FOCAD: variants seen among roughly 807,000 people sequenced by gnomAD.
The protein encoded by FOCAD is KIAA1797.
FOCAD carries 198 observed loss-of-function variants against 225.6 expected under a neutral mutation model. That is an observed-to-expected ratio of 0.88 (90% CI 0.78 to 0.99). FOCAD has a LOEUF of 0.99. FOCAD is among the 50% of genes least tolerant of loss of function. FOCAD has a pLI of 0.00. For synonymous variants in FOCAD, 897 were observed against 755.0 expected (o/e 1.19, Z -3.08); for missense variants, 2,713 against 2,123.6 (o/e 1.28, Z -5.46).
intron 10 of FOCAD, among the ~76,000 whole-genome samples, chr9:20,788,444 G>T (rs147002792): frequency 2.3e-4 from 35 of 152,156 alleles, no homozygotes; most frequent in Admixed American, 2.3e-3. Flanking sequence ...CTTTAAAAGG[G>T]TGCCTTTTAT....
chr9:20,817,351 T>C (rs566553171), intron 11 of FOCAD, among the ~76,000 whole-genome samples: 176 of 152,216 alleles, frequency 1.2e-3, no homozygotes, highest in African/African-American at 4.0e-3. Flanking sequence ...CCATAAGACG[T>C]CACTGCCTGT....
intron 6 of FOCAD, among the ~76,000 whole-genome samples, chr9:20,759,423 C>T (rs1027912010): frequency 1.3e-5 from 2 of 152,180 alleles, no homozygotes; most frequent in African/African-American, 4.8e-5. Flanking sequence ...CTACAACTAT[C>T]TGATCTTTGA....
intron 1 of FOCAD, among the ~76,000 whole-genome samples, chr9:20,693,143 C>G (rs1268840959): frequency 6.6e-6 from 1 of 152,166 alleles, no homozygotes; most frequent in Admixed American, 6.5e-5. Context: ...CCATTTGTTG[C>G]CTCTCCAACT....
chr9:20,760,686 A>G (rs1587056617), intron 6 of FOCAD, among the ~76,000 whole-genome samples: 4 of 152,148 alleles, frequency 2.6e-5, no homozygotes, highest in Admixed American at 2.0e-4. Context: ...TGGTTACATA[A>G]TACCTTACAG....
At chr9:20,837,216 C>T (rs1478037582) in intron 15 of FOCAD, among the ~76,000 whole-genome samples, 1 of 152,042 alleles carries the variant, frequency 6.6e-6, no homozygotes, top group Non-Finnish European at 1.5e-5. Context: ...TCACTTGAAT[C>T]AAAATCATGG....
intron 15 of FOCAD, among the ~76,000 whole-genome samples, chr9:20,857,872 A>G (rs1828358762): frequency 6.8e-6 from 1 of 147,492 alleles, no homozygotes; most frequent in African/African-American, 2.5e-5. Flanking sequence ...TTTGTCCTTC[A>G]TTCTGATATA....
chr9:20,797,151 GCT>G (rs1821209048), intron 11 of FOCAD, among the ~76,000 whole-genome samples: 1 of 152,020 alleles, frequency 6.6e-6, no homozygotes. Flanking sequence ...ATTTCTGAGG[GCT>G]CTGTTCTGTT....
intron 16 of FOCAD, among the ~76,000 whole-genome samples, chr9:20,864,920 A>G (rs1371055950): frequency 6.6e-6 from 1 of 152,096 alleles, no homozygotes; most frequent in Non-Finnish European, 1.5e-5. Context: ...CAGAAACTAA[A>G]CCTTTGAGAG....
At chr9:20,663,500 CACACACAT>C (rs1350542141) in intron 2 of FOCAD, among the ~76,000 whole-genome samples, 2 of 146,956 alleles carry the variant, frequency 1.4e-5, no homozygotes, top group African/African-American at 5.4e-5. Flanking sequence ...CACACACACA[CACACACAT>C]ACACACAGTT....
At chr9:20,775,934 A>G (rs1333368772) in intron 8 of FOCAD, among the ~76,000 whole-genome samples, 4 of 150,596 alleles carry the variant, frequency 2.7e-5, no homozygotes, top group African/African-American at 4.9e-5. Flanking sequence ...TATTTATTTT[A>G]TTTTCAGGCT....
chr9:20,887,452 C>G (rs1373287670), intron 21 of FOCAD, among the ~76,000 whole-genome samples: 1 of 152,170 alleles, frequency 6.6e-6, no homozygotes, highest in Admixed American at 6.5e-5. Context: ...CCAGGCTGAT[C>G]TCGAACTCCT....
chr9:20,713,759 C>G (rs1019090096), intron 1 of FOCAD, among the ~76,000 whole-genome samples: 2 of 152,188 alleles, frequency 1.3e-5, no homozygotes, highest in Non-Finnish European at 2.9e-5. Context: ...TAGAATCTTT[C>G]TTTCACCCAT....
At chr9:20,811,403 C>A (rs13297201) in intron 11 of FOCAD, among the ~76,000 whole-genome samples, 1 of 151,812 alleles carries the variant, frequency 6.6e-6, no homozygotes, top group Non-Finnish European at 1.5e-5. Flanking sequence ...TGTTGTTATT[C>A]AAGGAATCAC....
intron 4 of FOCAD, among the ~76,000 whole-genome samples, chr9:20,722,532 T>C (rs1447602140): frequency 6.6e-6 from 1 of 152,262 alleles, no homozygotes; most frequent in Admixed American, 6.5e-5. Context: ...ACCTGTATTT[T>C]GGTATCTGGC....
At chr9:20,983,918 A>G (rs796306453) in intron 39 of FOCAD, among the ~76,000 whole-genome samples, 1 of 152,212 alleles carries the variant, frequency 6.6e-6, no homozygotes, top group African/African-American at 2.4e-5. Context: ...GTAATGAATT[A>G]TATCCTATTA....
chr9:20,939,284 A>G (rs1374556324), intron 28 of FOCAD, among the ~76,000 whole-genome samples: 2 of 152,124 alleles, frequency 1.3e-5, no homozygotes, highest in Non-Finnish European at 2.9e-5. Context: ...GAATCCAATG[A>G]AGAGTTGAGA....
At position 20,712,803 on chromosome 9, in the gene FOCAD, G is replaced by A. The variant is rs1824971417; in HGVS notation, c.-32-2519G>A. Among the ~76,000 whole-genome samples the A allele has an allele frequency of 3.6e-5, 5 of 137,912 alleles. No homozygotes were observed. The South Asian group carries it at 1.1e-3, about 31-fold the overall frequency. The allele number at this position is 137,912 out of a possible 152,430, so 90.5% of individuals were successfully genotyped here. On this transcript the variant is annotated intron_variant, in intron 1 of 43. Transcript: ENST00000338382. ...CCTGGAGTGCAGTGGCACAACCTCG[G>A]CTTATTGCAACCTCCACCTCCCGGG...
At chr9:20,830,314 A>G (rs897161390) in intron 15 of FOCAD, among the ~76,000 whole-genome samples, 1 of 152,074 alleles carries the variant, frequency 6.6e-6, no homozygotes, top group Non-Finnish European at 1.5e-5. Context: ...GAGCTAAAAT[A>G]TATTAATTTT....
chr9:20,958,245 C>G (rs1838379146), intron 35 of FOCAD, among the ~76,000 whole-genome samples: 1 of 151,704 alleles, frequency 6.6e-6, no homozygotes, highest in Admixed American at 6.6e-5. Context: ...AAAAAGCAGC[C>G]CAAAAAACAA....
Sources: gnomAD v4.1 joint callset for allele counts (sites outside exome capture counted in the v4.1 genomes callset) on GRCh38, gnomAD v4.1.1 for gene constraint, MANE v1.5 for transcripts, NCBI Gene and HGNC (gene_info 2026-07-23, HGNC 2026-07-21) for gene names.